The following USP7 variants were observed in gnomAD, a reference collection of about 807,000 sequenced individuals.
The protein encoded by USP7 is ubiquitin specific peptidase 7, also known as ubiquitin C-terminal hydrolase 7.
A neutral mutation model predicts 162.9 loss-of-function variants in USP7; 9 were observed. That is an observed-to-expected ratio of 0.06 (90% CI 0.03 to 0.10). The LOEUF (loss-of-function observed/expected upper bound fraction) is 0.10, where lower values mean the gene tolerates loss of function less well. Ranked by LOEUF, USP7 falls within the 10% of genes least tolerant of loss-of-function variation. The probability of loss-of-function intolerance (pLI) is 1.00; values close to 1 mark genes in which losing one functional copy is unlikely to be tolerated. For missense variants in USP7, 715 were observed against 1,373.7 expected, an observed-to-expected ratio of 0.52 and a Z score of 7.58; for synonymous variants, 562 against 475.9, an observed-to-expected ratio of 1.18 and a Z score of -2.35.
At chr16:8,905,482 T>A in intron 13 of USP7, 151 bp from the exon 14 acceptor site, 2 of 955,220 alleles carry the variant, frequency 2.1e-6, no homozygotes, top group Non-Finnish European at 3.2e-6. Context: ...GCACACAATC[T>A]GACGGTGTGC....
At chr16:8,928,691 G>A (rs1190665896) in intron 2 of USP7, among the ~76,000 whole-genome samples, 1 of 152,194 alleles carries the variant, frequency 6.6e-6, no homozygotes, top group African/African-American at 2.4e-5. Flanking sequence ...ACCAAGGAAA[G>A]GTGCTACGGA....
chr16:8,917,217 AG>A, intron 6 of USP7, 61 bp from the exon 7 acceptor site: 1 of 1,529,770 alleles, frequency 6.5e-7, no homozygotes, highest in Non-Finnish European at 8.7e-7. Context: ...TTTAAAAAAC[AG>A]TAAGAATTTA....
At chr16:8,912,170 GCAGTGGCT>G (rs2061957236) in intron 10 of USP7, among the ~76,000 whole-genome samples, 1 of 152,208 alleles carries the variant, frequency 6.6e-6, no homozygotes, top group African/African-American at 2.4e-5. Context: ...GTGAACCAGT[GCAGTGGCT>G]CAGTGGCTCA....
intron 1 of USP7, among the ~76,000 whole-genome samples, chr16:8,962,245 G>A (rs1350246380): frequency 1.3e-5 from 2 of 152,246 alleles, no homozygotes; most frequent in Non-Finnish European, 1.5e-5. Context: ...TTTGACTCCC[G>A]ACAGCCTGAA....
Position 8,933,553 on chromosome 16 carries a change from G to T in USP7, c.80-3156C>A, listed in dbSNP as rs115208920. Among the ~76,000 whole-genome samples the T allele has an allele frequency of 5.4e-3, 816 of 152,222 alleles. 6 individuals carry two copies. The highest frequency in any genetic ancestry group is 0.019 in the African/African-American group (787 of 41,534). On this transcript the variant is annotated intron_variant, in intron 1 of 30. Transcript: ENST00000344836. ...ACAGAAGAACCTACTAGAGATTAGG[G>T]TTACATAGAAGCAATGTAGTTTCTT...
chr16:8,932,620 AGAG>A (rs1450377402), intron 1 of USP7, among the ~76,000 whole-genome samples: 8 of 25,510 alleles, frequency 3.1e-4, no homozygotes, highest in Non-Finnish European at 1.1e-3. Flanking sequence ...AATTTAAAAA[AGAG>A]AAAGAAAAGA....
intron 1 of USP7, among the ~76,000 whole-genome samples, chr16:8,960,784 C>T (rs916258930): frequency 6.6e-6 from 1 of 152,196 alleles, no homozygotes; most frequent in African/African-American, 2.4e-5. Flanking sequence ...AAGTCACATT[C>T]CAATCGTAAG....
At chr16:8,949,355 C>T (rs1899443632) in intron 1 of USP7, among the ~76,000 whole-genome samples, 1 of 152,138 alleles carries the variant, frequency 6.6e-6, no homozygotes, top group Non-Finnish European at 1.5e-5. Flanking sequence ...TTGTTGGGTA[C>T]TATGTAGGGA....
intron 1 of USP7, among the ~76,000 whole-genome samples, chr16:8,934,469 T>C (rs1013983121): frequency 6.6e-6 from 1 of 152,204 alleles, no homozygotes; most frequent in Non-Finnish European, 1.5e-5. Flanking sequence ...CAGGATGGGG[T>C]GGGGGAAATG....
intron 4 of USP7, 72 bp from the exon 5 acceptor site, chr16:8,920,519 T>G: frequency 7.9e-7 from 1 of 1,262,598 alleles, no homozygotes; most frequent in Non-Finnish European, 1.1e-6. Context: ...CAAATTACAT[T>G]AGTGCCCTGT....
At chr16:8,900,715 T>C (rs2061760822) in intron 20 of USP7, 85 bp from the exon 21 acceptor site, 3 of 977,062 alleles carry the variant, frequency 3.1e-6, no homozygotes, top group Non-Finnish European at 3.1e-6. Context: ...ACTTAAGTAT[T>C]TTCTCTACAC....
chr16:8,932,801 G>A lies in USP7; in HGVS notation c.80-2404C>T, dbSNP rs749565834. On this transcript the variant is annotated intron_variant, in intron 1 of 30. Transcript: ENST00000344836. The stretch of plus-strand genomic sequence containing the variant: ...ATGGGGCTGGGGATGGACAAAGCAG[G>A]ATAGTGCCTTATCTGCGACATTTAA... Among the ~76,000 whole-genome samples the A allele has an allele frequency of 7.6e-4, 116 of 152,198 alleles. 1 individual carries two copies. The highest frequency in any genetic ancestry group is 3.4e-3 in the Middle Eastern group (1 of 294).
At chr16:8,963,042 A>AT in intron 1 of USP7, 165 bp downstream of exon 1, 1 of 472,812 alleles carries the variant, frequency 2.1e-6, no homozygotes, top group Non-Finnish European at 2.9e-6. Flanking sequence ...CGGACCCGGC[A>AT]TGACTTTGCA....
intron 12 of USP7, among the ~76,000 whole-genome samples, chr16:8,907,894 A>C (rs1284108068): frequency 6.6e-6 from 1 of 152,258 alleles, no homozygotes; most frequent in Non-Finnish European, 1.5e-5. Flanking sequence ...AGCATTCTTG[A>C]AAACTCTAGC....
intron 10 of USP7, among the ~76,000 whole-genome samples, chr16:8,912,238 G>T (rs1402545844): frequency 6.6e-6 from 1 of 152,046 alleles, no homozygotes; most frequent in African/African-American, 2.4e-5. Context: ...GATCGCCTGA[G>T]GTCAGGAGTT....
intron 4 of USP7, 22 bp downstream of exon 4, chr16:8,921,135 G>C (rs1476949211): frequency 1.2e-6 from 2 of 1,612,160 alleles, no homozygotes; most frequent in South Asian, 1.1e-5. Context: ...CAATTGTTCA[G>C]ACTAAATACA....
At chr16:8,930,971 A>AT (rs1473342202) in intron 1 of USP7, among the ~76,000 whole-genome samples, 6 of 87,760 alleles carry the variant, frequency 6.8e-5, no homozygotes, top group South Asian at 5.2e-4. Context: ...TCAGTCTCAA[A>AT]TTAAAAAAAA....
intron 1 of USP7, among the ~76,000 whole-genome samples, chr16:8,957,023 T>C (rs1272102446): frequency 6.6e-6 from 1 of 152,200 alleles, no homozygotes; most frequent in African/African-American, 2.4e-5. Context: ...GTGTCATCAC[T>C]GAATTCTGGA....
At chr16:8,902,943 A>G (rs1259931631) in intron 16 of USP7, among the ~76,000 whole-genome samples, 1 of 152,208 alleles carries the variant, frequency 6.6e-6, no homozygotes, top group African/African-American at 2.4e-5. Flanking sequence ...GTTGATTTGG[A>G]CAACTGTGAC....
Sources: allele counts gnomAD v4.1 joint callset (sites outside exome capture counted in the v4.1 genomes callset), GRCh38; gene constraint gnomAD v4.1.1; transcripts MANE v1.5; gene names NCBI Gene and HGNC (gene_info 2026-07-23, HGNC 2026-07-21).